Variants in TMC1 observed in about 807,000 individuals in gnomAD.
TMC1 encodes transmembrane channel like 1.
TMC1 carries 84 observed loss-of-function variants against 105.8 expected under a neutral mutation model. That is an observed-to-expected ratio of 0.79 (90% confidence interval 0.67 to 0.95). The LOEUF is 0.95. Ranked by LOEUF, TMC1 falls within the 40% of genes least tolerant of loss-of-function variation. The pLI, the probability that TMC1 is intolerant of heterozygous loss-of-function variation, is 0.00. For missense variants in TMC1, 817 were observed against 914.1 expected (o/e 0.89, Z 1.37); for synonymous variants, 315 against 311.5 (o/e 1.01, Z -0.12).
intron 2 of TMC1, among the ~76,000 whole-genome samples, chr9:72,579,877 C>G (rs1251134580): frequency 6.6e-6 from 1 of 151,462 alleles, no homozygotes; most frequent in Non-Finnish European, 1.5e-5. Flanking sequence ...CGAAAATTAG[C>G]CAGTCTCATA....
chr9:72,681,446 G>A, intron 5 of TMC1, among the ~76,000 whole-genome samples: 1 of 151,678 alleles, frequency 6.6e-6, no homozygotes, highest in Non-Finnish European at 1.5e-5. Context: ...AGCTGTTTTT[G>A]TTCTTTCTGT....
intron 10 of TMC1, among the ~76,000 whole-genome samples, chr9:72,744,901 C>CATCA (rs1443665815): frequency 6.6e-6 from 1 of 152,150 alleles, no homozygotes; most frequent in African/African-American, 2.4e-5. Flanking sequence ...GACCACCATC[C>CATCA]ATCATGAGTG....
At chr9:72,753,930 C>A (rs1428422550) in intron 11 of TMC1, among the ~76,000 whole-genome samples, 1 of 152,140 alleles carries the variant, frequency 6.6e-6, no homozygotes, top group East Asian at 1.9e-4. Context: ...GCCAGATGGG[C>A]CAAAGGCCTA....
At chr9:72,573,042 T>C (rs1044265321) in intron 1 of TMC1, among the ~76,000 whole-genome samples, 1 of 152,176 alleles carries the variant, frequency 6.6e-6, no homozygotes, top group Non-Finnish European at 1.5e-5. Flanking sequence ...TATGAAATGC[T>C]ATCTCATTAT....
At chr9:72,723,342 G>C (rs1179490517) in intron 8 of TMC1, among the ~76,000 whole-genome samples, 1 of 151,914 alleles carries the variant, frequency 6.6e-6, no homozygotes, top group Non-Finnish European at 1.5e-5. Flanking sequence ...TCATAAAGTG[G>C]AACACTTTTT....
intron 18 of TMC1, among the ~76,000 whole-genome samples, 200 bp downstream of exon 18, chr9:72,805,710 T>C (rs1828563892): frequency 6.6e-6 from 1 of 151,622 alleles, no homozygotes; most frequent in African/African-American, 2.4e-5. Flanking sequence ...AGTGTTTGTG[T>C]CCCTGGGTAC....
chr9:72,730,873 G>C (rs1049665240), intron 8 of TMC1, among the ~76,000 whole-genome samples: 3 of 152,108 alleles, frequency 2.0e-5, no homozygotes, highest in African/African-American at 7.2e-5. Flanking sequence ...TTCACAATAG[G>C]GTTTGCACCC....
chr9:72,535,216 A>G (rs1392822646), intron 1 of TMC1, among the ~76,000 whole-genome samples: 1 of 152,188 alleles, frequency 6.6e-6, no homozygotes, highest in Non-Finnish European at 1.5e-5. Flanking sequence ...TCTTTTCAGC[A>G]TTTTGTTTAG....
intron 11 of TMC1, among the ~76,000 whole-genome samples, chr9:72,753,377 C>G (rs111681261): frequency 0.027 from 3,737 of 136,382 alleles, 145 homozygotes; most frequent in African/African-American, 0.097. Context: ...TACTTAGTGT[C>G]AGATGCAGGT....
At chr9:72,538,840 GTC>G (rs1224586162) in intron 1 of TMC1, among the ~76,000 whole-genome samples, 1 of 152,114 alleles carries the variant, frequency 6.6e-6, no homozygotes, top group Non-Finnish European at 1.5e-5. Flanking sequence ...GCTACAAAGA[GTC>G]TGTCTTGTCA....
chr9:72,611,850 A>G (rs1825029586), intron 2 of TMC1, among the ~76,000 whole-genome samples: 2 of 148,850 alleles, frequency 1.3e-5, no homozygotes, highest in African/African-American at 5.0e-5. Context: ...TCTCCTGTTA[A>G]ACATCACAGC....
intron 1 of TMC1, among the ~76,000 whole-genome samples, chr9:72,572,885 G>A (rs1310400979): frequency 2.6e-5 from 4 of 152,046 alleles, no homozygotes; most frequent in African/African-American, 4.8e-5. Flanking sequence ...CCAGATACTC[G>A]GGAGGCTGAG....
At chr9:72,623,735 G>A (rs1035759340) in intron 3 of TMC1, among the ~76,000 whole-genome samples, 4 of 152,218 alleles carry the variant, frequency 2.6e-5, no homozygotes, top group Admixed American at 2.0e-4. Context: ...GGCCCACAAC[G>A]TTTTCTTCCC....
At chr9:72,706,374 T>A (rs1320326278) in intron 8 of TMC1, among the ~76,000 whole-genome samples, 2 of 152,230 alleles carry the variant, frequency 1.3e-5, no homozygotes, top group African/African-American at 4.8e-5. Flanking sequence ...CATTCTGGAT[T>A]ATTTTCTTTT....
chr9:72,806,175 T>C (rs1376534771), intron 18 of TMC1, among the ~76,000 whole-genome samples: 1 of 146,872 alleles, frequency 6.8e-6, no homozygotes, highest in Non-Finnish European at 1.5e-5. Context: ...GGCGGGGGGC[T>C]GACCCCCCAC....
chr9:72,831,444 T>TA (rs1024872723), intron 23 of TMC1, among the ~76,000 whole-genome samples: 8 of 151,992 alleles, frequency 5.3e-5, no homozygotes, highest in South Asian at 4.1e-4. Context: ...TATATATATA[T>TA]TTTTTAATTA....
chr9:72,582,208 C>T (rs1028837553), intron 2 of TMC1, among the ~76,000 whole-genome samples: 1 of 152,202 alleles, frequency 6.6e-6, no homozygotes, highest in African/African-American at 2.4e-5. Flanking sequence ...CCACCCGCCT[C>T]AGTCTCCCAA....
intron 1 of TMC1, among the ~76,000 whole-genome samples, chr9:72,523,982 G>C (rs1182834942): frequency 1.3e-5 from 2 of 152,160 alleles, no homozygotes; most frequent in Non-Finnish European, 2.9e-5. Flanking sequence ...ATTTTTCATA[G>C]CCCAAGGTCA....
intron 1 of TMC1, among the ~76,000 whole-genome samples, chr9:72,535,962 C>T (rs1353574967): frequency 6.6e-6 from 1 of 152,142 alleles, no homozygotes; most frequent in Non-Finnish European, 1.5e-5. Flanking sequence ...TCATTAGGCC[C>T]CACCTCCAAC....
Sources: gnomAD v4.1 joint callset for allele counts (sites outside exome capture counted in the v4.1 genomes callset) on GRCh38, gnomAD v4.1.1 for gene constraint, MANE v1.5 for transcripts, NCBI Gene and HGNC (gene_info 2026-07-23, HGNC 2026-07-21) for gene names.